Variants in PLCL1 observed in about 807,000 individuals in gnomAD.
PLCL1 encodes phospholipase C like 1 (inactive), also known as inactive phospholipase C-like protein 1.
A neutral mutation model predicts 84.4 loss-of-function variants in PLCL1; 41 were observed. The observed-to-expected ratio is 0.49, with a 90% confidence interval of 0.38 to 0.63. The LOEUF (loss-of-function observed/expected upper bound fraction) is 0.63, where lower values mean the gene tolerates loss of function less well. PLCL1 is among the 30% of genes least tolerant of loss of function. The pLI is 0.00. For synonymous variants in PLCL1, 490 were observed against 488.3 expected (o/e 1.00, Z -0.05); for missense variants, 1,206 against 1,367.8 (o/e 0.88, Z 1.87).
chr2:197,978,800 A>G (rs1368413252), intron 1 of PLCL1, among the ~76,000 whole-genome samples: 3 of 152,168 alleles, frequency 2.0e-5, no homozygotes, highest in Non-Finnish European at 4.4e-5. Flanking sequence ...ACCCACACTC[A>G]CTCAGACTGG....
intron 5 of PLCL1, among the ~76,000 whole-genome samples, chr2:198,109,250 G>A (rs1407824439): frequency 6.6e-6 from 1 of 151,754 alleles, no homozygotes; most frequent in East Asian, 1.9e-4. Flanking sequence ...CAGAGGGGAG[G>A]AACGGTGTCT....
intron 1 of PLCL1, among the ~76,000 whole-genome samples, chr2:197,905,145 G>C (rs1688353001): frequency 6.6e-6 from 1 of 152,066 alleles, no homozygotes; most frequent in Non-Finnish European, 1.5e-5. Context: ...TTGTTACATA[G>C]GTATACATGT....
chr2:197,912,676 C>T (rs1356679055), intron 1 of PLCL1, among the ~76,000 whole-genome samples: 1 of 147,182 alleles, frequency 6.8e-6, no homozygotes, highest in Non-Finnish European at 1.5e-5. Flanking sequence ...TCATCATTCT[C>T]AGTAAACTAT....
chr2:197,891,688 G>C (rs1688032686), intron 1 of PLCL1, among the ~76,000 whole-genome samples: 1 of 151,892 alleles, frequency 6.6e-6, no homozygotes, highest in Non-Finnish European at 1.5e-5. Context: ...TGTTTTCCCA[G>C]CTTCTTGTGC....
In PLCL1 at chr2:197,860,593, C is replaced by T. The variant is rs375416116; in HGVS notation, c.240+55254C>T. Among the ~76,000 whole-genome samples, 78 of 152,242 alleles carry T rather than the reference C, an allele frequency of 5.1e-4. 1 individual carries two copies. In the East Asian group the frequency reaches 0.013, roughly 25 times the overall value. ...TTCTGACTGGTGTGAGATGATATCT[C>T]ATTGTGGTTTTGATTTGCATTTCTC... On this transcript the variant is annotated intron_variant, in intron 1 of 5. Transcript: ENST00000428675.
chr2:198,011,658 C>T (rs1487798966), intron 1 of PLCL1, among the ~76,000 whole-genome samples: 1 of 151,932 alleles, frequency 6.6e-6, no homozygotes, highest in Non-Finnish European at 1.5e-5. Context: ...CTCTTGTTTC[C>T]TTATTGATCT....
At chr2:198,100,995 C>G (rs1196898484) in intron 3 of PLCL1, among the ~76,000 whole-genome samples, 1 of 151,974 alleles carries the variant, frequency 6.6e-6, no homozygotes, top group Non-Finnish European at 1.5e-5. Context: ...ATGAATATGA[C>G]CTGGGACATA....
At chr2:197,951,977 G>A (rs1031459920) in intron 1 of PLCL1, among the ~76,000 whole-genome samples, 2 of 152,226 alleles carry the variant, frequency 1.3e-5, no homozygotes, top group Admixed American at 6.5e-5. Flanking sequence ...GACAGTTGTC[G>A]AAACTCATTC....
In PLCL1 at chr2:198,085,337, A is replaced by G. The variant is rs1692844424; in HGVS notation, c.1820A>G (p.Gln607Arg). 2 of 1,613,498 alleles carry G rather than the reference A, an allele frequency of 1.2e-6. No homozygotes were observed. Among genetic ancestry groups the G allele is most frequent in the African/African-American group, 2.7e-5 (2 of 75,028 alleles). Reference sequence around the variant, plus strand: ...GATTTTGAACTATCTATGAAAAGCCAAAACTATTGGGAAATGTGTTCATTT... The same window carrying G: ...GATTTTGAACTATCTATGAAAAGCCGAAACTATTGGGAAATGTGTTCATTT... ...YRDFELSMKSQNYWEMCSFSE... is the reference protein window; with the variant it reads ...YRDFELSMKSRNYWEMCSFSE... The change falls in exon 2 of 6, where the codon CAA becomes CGA. Residue 607 changes from glutamine (Q) to arginine (R), a missense_variant. Transcript: ENST00000428675. This position sits in a 1 kb window ranked among gnomAD's most constrained non-coding sequence, Gnocchi z 5.3.
At chr2:198,062,523 C>CT (rs142637548) in intron 1 of PLCL1, among the ~76,000 whole-genome samples, 1,548 of 152,216 alleles carry the variant, frequency 0.01, 30 homozygotes, top group African/African-American at 0.035. Context: ...TACCCTTCCT[C>CT]TTTTTTTCTG....
intron 1 of PLCL1, among the ~76,000 whole-genome samples, chr2:197,877,950 A>C (rs1409361967): frequency 6.6e-6 from 1 of 152,134 alleles, no homozygotes; most frequent in African/African-American, 2.4e-5. Context: ...GGTTCTCAAC[A>C]GTTAAGAACC....
intron 2 of PLCL1, 85 bp from the exon 3 acceptor site, chr2:198,088,773 G>T: frequency 4.9e-6 from 4 of 824,212 alleles, no homozygotes; most frequent in Non-Finnish European, 6.5e-6. Flanking sequence ...TTTTAAAAAT[G>T]AATGTACTTT....
intron 1 of PLCL1, among the ~76,000 whole-genome samples, chr2:197,824,725 A>AC (rs59276912): frequency 1.3e-5 from 2 of 151,796 alleles, no homozygotes; most frequent in African/African-American, 2.4e-5. Context: ...AAAAAAAAAA[A>AC]AAAAAAAAAA....
chr2:198,042,578 C>T (rs1473833179), intron 1 of PLCL1, among the ~76,000 whole-genome samples: 3 of 152,102 alleles, frequency 2.0e-5, no homozygotes. Context: ...TAGAAGAAGC[C>T]AGATAACCTC....
intron 5 of PLCL1, among the ~76,000 whole-genome samples, chr2:198,130,983 C>T (rs1261885662): frequency 1.3e-5 from 2 of 152,146 alleles, no homozygotes; most frequent in African/African-American, 4.8e-5. Context: ...TTCTTAACTT[C>T]TCTTCTGAAA....
chr2:198,110,697 G>C lies in PLCL1; in HGVS notation c.3105+6761G>C, dbSNP rs201205026. 2.0e-5 allele frequency among the ~76,000 whole-genome samples: 3 copies of C among 151,996 alleles called. No individual in the cohort carries two copies. In the East Asian group the frequency reaches 5.9e-4, roughly 30 times the overall value. On this transcript the variant is annotated intron_variant, in intron 5 of 5. Coordinates refer to ENST00000428675, the MANE Select transcript of PLCL1 (RefSeq NM_006226.4). ...AAATCATTCTATGAGATACTGTGGA[G>C]AGGGGGCTGTTAGTGTGAATGTTCA...
chr2:198,027,490 G>C (rs867888595), intron 1 of PLCL1, among the ~76,000 whole-genome samples: 4 of 152,070 alleles, frequency 2.6e-5, no homozygotes, highest in Non-Finnish European at 5.9e-5. Flanking sequence ...CAATAGAATA[G>C]ATTTTAAGTA....
intron 1 of PLCL1, among the ~76,000 whole-genome samples, chr2:197,871,106 C>A (rs1377470253): frequency 1.6e-4 from 24 of 152,016 alleles, no homozygotes; most frequent in Admixed American, 1.4e-3. Context: ...TTGATACTTA[C>A]CCTCAAGCAG....
chr2:197,903,802 CTTTT>C (rs1232211481), intron 1 of PLCL1, among the ~76,000 whole-genome samples: 1 of 104,514 alleles, frequency 9.6e-6, no homozygotes, highest in African/African-American at 3.7e-5. Flanking sequence ...AGTGCCCGGC[CTTTT>C]TTTTTTTTTT....
Sources: gnomAD v4.1 joint callset for allele counts (sites outside exome capture counted in the v4.1 genomes callset) on GRCh38, gnomAD v4.1.1 for gene constraint, Gnocchi (gnomAD v3.1) non-coding constraint, MANE v1.5 for transcripts, NCBI Gene and HGNC (gene_info 2026-07-23, HGNC 2026-07-21) for gene names.